The following CDH18 variants were observed in gnomAD, a reference collection of about 807,000 sequenced individuals.
CDH18 encodes the protein cadherin 18.
CDH18 carries 31 observed loss-of-function variants against 67.9 expected under a neutral mutation model. That is an observed-to-expected ratio of 0.46 (90% CI 0.34 to 0.62). The LOEUF is 0.62. Among genes scored for constraint, CDH18 ranks in the 20% least tolerant of loss-of-function variants. CDH18 has a pLI of 0.01. For synonymous variants in CDH18, 362 were observed against 347.2 expected (o/e 1.04, Z -0.48); for missense variants, 890 against 975.5 (o/e 0.91, Z 1.17).
At chr5:20,251,210 ACAT>A (rs1355594418) in intron 2 of CDH18, among the ~76,000 whole-genome samples, 15 of 152,162 alleles carry the variant, frequency 9.9e-5, no homozygotes, top group Non-Finnish European at 1.8e-4. Flanking sequence ...TAAAATTTAA[ACAT>A]AATAAATAAT....
intron 3 of CDH18, among the ~76,000 whole-genome samples, chr5:19,782,558 T>C (rs1159196423): frequency 6.6e-6 from 1 of 152,092 alleles, no homozygotes; most frequent in Non-Finnish European, 1.5e-5. Context: ...AAAAGACGTA[T>C]ACTTAAGGAA....
chr5:20,171,489 A>G (rs181983123), intron 2 of CDH18, among the ~76,000 whole-genome samples: 1 of 151,372 alleles, frequency 6.6e-6, no homozygotes, highest in East Asian at 1.9e-4. Flanking sequence ...TTTTTTTCAT[A>G]TGCTTGTTGG....
chr5:20,061,827 C>T (rs1183008638), intron 2 of CDH18, among the ~76,000 whole-genome samples: 1 of 152,046 alleles, frequency 6.6e-6, no homozygotes, highest in Non-Finnish European at 1.5e-5. Flanking sequence ...GTGAATGTCC[C>T]ATTTATTCTT....
intron 1 of CDH18, among the ~76,000 whole-genome samples, chr5:20,432,834 T>C (rs1748859127): frequency 6.6e-6 from 1 of 151,492 alleles, no homozygotes; most frequent in South Asian, 2.1e-4. Flanking sequence ...AACATGTAAA[T>C]TGGGGAAGAA....
intron 1 of CDH18, among the ~76,000 whole-genome samples, chr5:20,286,116 T>C (rs1293886344): frequency 6.6e-6 from 1 of 151,594 alleles, no homozygotes; most frequent in African/African-American, 2.4e-5. Flanking sequence ...TAATTCTCAT[T>C]ATTATTATTA....
At chr5:19,697,280 T>C (rs1297463439) in intron 5 of CDH18, among the ~76,000 whole-genome samples, 2 of 152,180 alleles carry the variant, frequency 1.3e-5, no homozygotes. Flanking sequence ...AATTAAGTCA[T>C]ACGGGCTATT....
At chr5:20,072,675 T>C (rs1180106457) in intron 2 of CDH18, among the ~76,000 whole-genome samples, 2 of 152,022 alleles carry the variant, frequency 1.3e-5, no homozygotes, top group Non-Finnish European at 2.9e-5. Flanking sequence ...TTTGGAAATA[T>C]CTGTCACTCC....
chr5:19,771,417 G>A (rs557682562), intron 3 of CDH18, among the ~76,000 whole-genome samples: 1 of 152,334 alleles, frequency 6.6e-6, no homozygotes, highest in South Asian at 2.1e-4. Flanking sequence ...AGAGGCTCAC[G>A]TGGCAAGAAA....
At chr5:19,864,163 TG>T (rs1331988662) in intron 2 of CDH18, among the ~76,000 whole-genome samples, 9 of 149,154 alleles carry the variant, frequency 6.0e-5, no homozygotes, top group African/African-American at 2.2e-4. Flanking sequence ...ATTAAGAAAA[TG>T]TGGCACATAT....
At chr5:19,879,998 T>C (rs1372222880) in intron 2 of CDH18, among the ~76,000 whole-genome samples, 3 of 152,080 alleles carry the variant, frequency 2.0e-5, no homozygotes, top group Admixed American at 6.6e-5. Context: ...CAAATCCTAA[T>C]GTATTTCTAT....
intron 3 of CDH18, among the ~76,000 whole-genome samples, chr5:19,749,352 TG>T (rs1406506740): frequency 4.0e-5 from 6 of 151,462 alleles, no homozygotes; most frequent in Non-Finnish European, 8.9e-5. Flanking sequence ...ATCTATATAT[TG>T]TACTTATAAC....
chr5:20,305,560 G>C (rs895927869), intron 1 of CDH18: 1 of 677,900 alleles, frequency 1.5e-6, no homozygotes, highest in Non-Finnish European at 2.6e-6. Context: ...CGGGGCTGAG[G>C]GCGCTCGGCC....
intron 5 of CDH18, among the ~76,000 whole-genome samples, chr5:19,642,957 T>C (rs1419095262): frequency 6.6e-6 from 1 of 151,784 alleles, no homozygotes; most frequent in Non-Finnish European, 1.5e-5. Context: ...TATACAGAAC[T>C]CACACCTAAA....
chr5:19,662,456 C>T (rs1305296807), intron 5 of CDH18, among the ~76,000 whole-genome samples: 1 of 152,016 alleles, frequency 6.6e-6, no homozygotes, highest in African/African-American at 2.4e-5. Flanking sequence ...CTTGCTGTGA[C>T]TTTATGCTTC....
rs148241466 is a variant in CDH18 at position 19,573,011 on chromosome 5, C to A, written c.1000-1179G>T. 4.7e-3 allele frequency among the ~76,000 whole-genome samples: 722 copies of A among 152,128 alleles called. 2 individuals are homozygous for A. The highest frequency in any genetic ancestry group is 8.6e-3 in the Non-Finnish European group (583 of 67,984). ...CATTTCCAAACCATATATTAAGAAC[C>A]TAGAAAACTAGGGTCACAGGGACAT... On this transcript the variant is annotated intron_variant, in intron 7 of 12. Transcript: ENST00000382275.
chr5:19,703,123 CTG>C (rs935562242), intron 5 of CDH18, among the ~76,000 whole-genome samples: 2 of 152,090 alleles, frequency 1.3e-5, no homozygotes, highest in Admixed American at 1.3e-4. Flanking sequence ...CCATATTTCT[CTG>C]TGTGTGTGTG....
At chr5:20,152,645 T>C (rs1751215452) in intron 2 of CDH18, among the ~76,000 whole-genome samples, 1 of 152,124 alleles carries the variant, frequency 6.6e-6, no homozygotes, top group Admixed American at 6.6e-5. Context: ...TATCTTACTC[T>C]AGTAAAATTC....
At chr5:19,924,132 C>T (rs1792822255) in intron 2 of CDH18, among the ~76,000 whole-genome samples, 1 of 151,250 alleles carries the variant, frequency 6.6e-6, no homozygotes. Flanking sequence ...TTATCATAAA[C>T]ACATTATTAA....
At chr5:20,453,204 T>C (rs746342946) in intron 1 of CDH18, among the ~76,000 whole-genome samples, 5 of 152,176 alleles carry the variant, frequency 3.3e-5, no homozygotes, top group Non-Finnish European at 4.4e-5. Context: ...TGCATTACCA[T>C]CATATAGTCT....
Sources: allele counts gnomAD v4.1 joint callset (sites outside exome capture counted in the v4.1 genomes callset), GRCh38; gene constraint gnomAD v4.1.1; transcripts MANE v1.5; gene names NCBI Gene and HGNC (gene_info 2026-07-23, HGNC 2026-07-21).